Variants in MLYCD observed in about 807,000 individuals in gnomAD.
MLYCD encodes malonyl-CoA decarboxylase, mitochondrial.
In MLYCD, 27 loss-of-function variants were observed where a neutral mutation model predicts 35.8. The ratio of observed to expected loss-of-function variants is 0.75; its 90% CI spans 0.56 to 1.04. The LOEUF is 1.04. Ranked by LOEUF, MLYCD falls within the 50% of genes least tolerant of loss-of-function variation. The probability of loss-of-function intolerance (pLI) is 0.00; values close to 1 mark genes in which losing one functional copy is unlikely to be tolerated. For missense variants in MLYCD, 917 were observed against 665.1 expected, an observed-to-expected ratio of 1.38 and a Z score of -4.17; for synonymous variants, 403 against 302.4, an observed-to-expected ratio of 1.33 and a Z score of -3.45.
At chr16:83,913,615 C>G (rs888507866) in intron 4 of MLYCD, 2 of 152,080 alleles carry the variant, frequency 1.3e-5, no homozygotes, top group Non-Finnish European at 2.9e-5. Context: ...GTCAGGAGTT[C>G]GAGACTAGCC....
At chr16:83,914,851 C>T in intron 4 of MLYCD, 105 bp from the exon 5 acceptor site, 1 of 1,492,772 alleles carries the variant, frequency 6.7e-7, no homozygotes, top group South Asian at 1.1e-5. Context: ...GACCGCTACA[C>T]AGCAGCATGT....
In MLYCD at chr16:83,926,203, A is replaced by G. The variant is rs999581767; in HGVS notation, c.*10714A>G. On this transcript the variant is annotated 3_prime_UTR_variant, in exon 5 of 5. Transcript: ENST00000262430. ...GCCGCTGGGGGTGCTGTGTGGGAAC[A>G]GAGCACAGGCCCTCCCTCCCAGAGC... 1 of 152,370 alleles carries G rather than the reference A, an allele frequency of 6.6e-6. No individual in the cohort carries two copies. The highest frequency in any genetic ancestry group is 2.4e-5 in the African/African-American group (1 of 41,462). The allele number at this position is 152,370 out of a possible 1,614,324, so 9.4% of individuals were successfully genotyped here. A position where few individuals can be genotyped will look rare whatever the true frequency, so the allele number is the denominator to read the frequency against.
Position 83,899,534 on chromosome 16 carries a change from C to G in MLYCD, c.390C>G (p.Arg130=). Residue 130 remains arginine (R), a synonymous_variant, in exon 1 of 5, where the codon CGC becomes CGG. Coordinates refer to ENST00000262430, the MANE Select transcript of MLYCD (RefSeq NM_012213.3). ...TGCTGCAGGCCGAGGACCGGCTGCGCTACGCGCTGGTGCCGCGCTATCGCG... is the reference window on the plus strand; with the variant it reads ...TGCTGCAGGCCGAGGACCGGCTGCGGTACGCGCTGGTGCCGCGCTATCGCG... ...AVLLQAEDRL[R]YALVPRYRGL... is the part of the protein sequence containing the mutation. 1 of 1,591,120 alleles carries G rather than the reference C, an allele frequency of 6.3e-7. No individual in the cohort carries two copies. The highest frequency in any genetic ancestry group is 1.1e-5 in the South Asian group (1 of 90,450).
In MLYCD at chr16:83,915,205, A is replaced by T. The variant is rs1436078620; in HGVS notation, c.1198A>T (p.Arg400Trp). 3 of 1,614,068 alleles carry T rather than the reference A, an allele frequency of 1.9e-6. No individual in the cohort carries two copies. Among genetic ancestry groups the T allele is most frequent in the Non-Finnish European group, 2.5e-6 (3 of 1,179,904 alleles). ...LVRALQTPLM[R>W]LCAWYLYGEK... ...GCGGGCGCTGCAGACTCCGCTGATG[A>T]GGCTGTGCGCCTGGTACCTGTATGG... Residue 400 changes from arginine (R) to tryptophan (W), a missense_variant, in exon 5 of 5, where the codon AGG becomes TGG. Physicochemically the swap from Arg to Trp is moderately radical, Grantham distance 101 (BLOSUM62 -3). Coordinates refer to ENST00000262430, the MANE Select transcript of MLYCD (RefSeq NM_012213.3).
intron 1 of MLYCD, among the ~76,000 whole-genome samples, chr16:83,899,984 A>T (rs1457790109): frequency 1.3e-5 from 2 of 152,186 alleles, no homozygotes; most frequent in Non-Finnish European, 2.9e-5. Context: ...TGTGCTCTAC[A>T]GTCTTTTGAA....
intron 1 of MLYCD, among the ~76,000 whole-genome samples, chr16:83,902,506 TTTTTTTTTTTTTTTTTTGAGACAGAGTC>T (rs1906832349): frequency 1.1e-5 from 1 of 94,190 alleles, no homozygotes; most frequent in South Asian, 3.0e-4. Flanking sequence ...TTAATCTGAT[TTTTTTTTTTTTTTTTTTGAGACAGAGTC>T]TTGCTCTGTT....
In MLYCD at chr16:83,912,353, G is replaced by C. The variant is rs781754033; in HGVS notation, c.934G>C (p.Val312Leu). The C allele has an allele frequency of 5.0e-6, 8 of 1,614,030 alleles. No homozygotes were observed. The highest frequency in any genetic ancestry group is 5.9e-6 in the Non-Finnish European group (7 of 1,180,048). ...GGGAACATTCCTCATAAAGCGAGTC[G>C]TCAAGGAGTTGCAGGTAAGCGACAC... ...ELGTFLIKRV[V>L]KELQREFPHL... The change falls in exon 4 of 5, where the codon GTC becomes CTC. Residue 312 changes from valine to leucine, a missense_variant. Coordinates refer to ENST00000262430, the MANE Select transcript of MLYCD (RefSeq NM_012213.3).
intron 3 of MLYCD, among the ~76,000 whole-genome samples, chr16:83,909,930 C>T (rs972836185): frequency 4.6e-5 from 7 of 151,966 alleles, no homozygotes; most frequent in East Asian, 1.9e-4. Context: ...CCACCGTGCC[C>T]GGCTGATATA....
chr16:83,910,490 G>C (rs1390078422), intron 3 of MLYCD, among the ~76,000 whole-genome samples: 1 of 152,016 alleles, frequency 6.6e-6, no homozygotes, highest in Non-Finnish European at 1.5e-5. Flanking sequence ...AGGAGTTCCA[G>C]ACCAGCCTGG....
At chr16:83,911,224 C>T (rs1968267) in intron 3 of MLYCD, among the ~76,000 whole-genome samples, 10,156 of 152,064 alleles carry the variant, frequency 0.067, 792 homozygotes, top group African/African-American at 0.19. Context: ...GTGATCTGCC[C>T]GCCTCGGCCT....
In MLYCD at chr16:83,899,543, G is replaced by C. The variant is rs764427979; in HGVS notation, c.399G>C (p.Leu133=). 2.1e-5 allele frequency: 34 copies of C among 1,591,996 alleles called. No individual in the cohort carries two copies. The South Asian group carries it at 3.8e-4, about 18-fold the overall frequency. ...LQAEDRLRYA[L]VPRYRGLFHH... is the part of the protein sequence containing the mutation. ...CCGAGGACCGGCTGCGCTACGCGCT[G>C]GTGCCGCGCTATCGCGGCCTCTTCC... Residue 133 remains leucine, a synonymous_variant, in exon 1 of 5, where the codon CTG becomes CTC. Coordinates refer to ENST00000262430, the MANE Select transcript of MLYCD (RefSeq NM_012213.3).
intron 2 of MLYCD, 91 bp from the exon 3 acceptor site, chr16:83,908,035 G>A: frequency 1.3e-6 from 2 of 1,524,640 alleles, no homozygotes; most frequent in Non-Finnish European, 9.0e-7. Context: ...TAAAGAACTT[G>A]TTTGACTTAG....
chr16:83,899,231 C>A lies in MLYCD; in HGVS notation c.87C>A (p.Ser29Arg). ...GGCCGCCCGGGCCCCGGCTGGCGAGCGGGCAGGCGGCCGGCGCCCTGGAGC... is the reference window on the plus strand; with the variant it reads ...GGCCGCCCGGGCCCCGGCTGGCGAGAGGGCAGGCGGCCGGCGCCCTGGAGC... The part of the protein sequence containing the change: ...PPRPPGPRLA[S>R]GQAAGALERA... The change falls in exon 1 of 5, where the codon AGC becomes AGA. Residue 29 changes from serine to arginine, a missense_variant. By Grantham distance (110) the Ser-to-Arg change is moderately radical (BLOSUM62 -1). Coordinates refer to ENST00000262430, the MANE Select transcript of MLYCD (RefSeq NM_012213.3). The A allele has an allele frequency of 8.1e-7, 1 of 1,241,866 alleles. No homozygotes were observed. Among genetic ancestry groups the A allele is most frequent in the South Asian group, 3.2e-5 (1 of 31,594 alleles). 76.9% of individuals were successfully genotyped at this position (1,241,866 alleles called of 1,614,324 possible). A position where few individuals can be genotyped will look rare whatever the true frequency, so the allele number is the denominator to read the frequency against.
At chr16:83,913,843 A>T (rs1315195745) in intron 4 of MLYCD, 5 of 151,630 alleles carry the variant, frequency 3.3e-5, no homozygotes, top group Non-Finnish European at 7.4e-5. Flanking sequence ...GGGTGGGGGA[A>T]AAACCCCGGG....
At position 83,908,235 on chromosome 16, in the gene MLYCD, G is replaced by T; in HGVS notation, c.751G>T (p.Val251Phe). ...CTGTTCGACCCCTGGGGAGCCCCTG[G>T]TCGTTTTGCACGTGGCACTGACTGG... Reference protein sequence around the residue: ...SHCSTPGEPLVVLHVALTGDI... With the variant: ...SHCSTPGEPLFVLHVALTGDI... Residue 251 changes from valine (V) to phenylalanine (F), a missense_variant, in exon 3 of 5, where the codon GTC becomes TTC. By Grantham distance (50) the Val-to-Phe change is conservative. Transcript: ENST00000262430. 6.2e-7 allele frequency: 1 copy of T among 1,614,200 alleles called. No individual in the cohort carries two copies. Among genetic ancestry groups the T allele is most frequent in the Non-Finnish European group, 8.5e-7 (1 of 1,180,048 alleles).
Position 83,916,169 on chromosome 16 carries a change from T to C in MLYCD, c.*680T>C. ...TTCACAGTAAAGAACACGTTTGTTCTGTAAAGCATTGAACATCTGATTGTG... is the reference window on the plus strand; with the variant it reads ...TTCACAGTAAAGAACACGTTTGTTCCGTAAAGCATTGAACATCTGATTGTG... On this transcript the variant is annotated 3_prime_UTR_variant, in exon 5 of 5. Transcript: ENST00000262430. 1 of 990,622 alleles carries C rather than the reference T, an allele frequency of 1.0e-6. No homozygotes were observed. Among genetic ancestry groups the C allele is most frequent in the South Asian group, 4.6e-5 (1 of 21,598 alleles). 61.4% of individuals were successfully genotyped at this position (990,622 alleles called of 1,614,324 possible). A position where few individuals can be genotyped will look rare whatever the true frequency, so the allele number is the denominator to read the frequency against.
chr16:83,915,682 A>T lies in MLYCD; in HGVS notation c.*193A>T. ...CTGGGCGTGACATGCACCCAGTGCA[A>T]GACGGTTGTGGGTGCGGGTGCACAC... is the stretch of plus-strand genomic sequence containing the variant. On this transcript the variant is annotated 3_prime_UTR_variant, in exon 5 of 5. Transcript: ENST00000262430. 3 of 1,474,304 alleles carry T rather than the reference A, an allele frequency of 2.0e-6. No homozygotes were observed. In the South Asian group the frequency reaches 4.0e-5, roughly 20 times the overall value. The allele number at this position is 1,474,304 out of a possible 1,614,324, so 91.3% of individuals were successfully genotyped here. A position where few individuals can be genotyped will look rare whatever the true frequency, so the allele number is the denominator to read the frequency against.
Position 83,915,480 on chromosome 16 carries a change from C to G in MLYCD, c.1473C>G (p.Ser491Arg). 1.2e-6 allele frequency: 2 copies of G among 1,611,458 alleles called. No individual in the cohort carries two copies. The highest frequency in any genetic ancestry group is 1.7e-6 in the Non-Finnish European group (2 of 1,179,996). Reference protein sequence around the residue: ...LSLVAQFQKNSKL With the variant: ...LSLVAQFQKNRKL ...TAGTGGCCCAGTTTCAAAAGAACAG[C>G]AAGCTCTGACAGTAAACCTCTCCTA... The change falls in exon 5 of 5, where the codon AGC becomes AGG. Residue 491 changes from serine (S) to arginine (R), a missense_variant. Ser to Arg is a moderately radical substitution (Grantham distance 110). Transcript: ENST00000262430.
At position 83,925,472 on chromosome 16, in the gene MLYCD, T is replaced by C; in HGVS notation, c.*9983T>C. On this transcript the variant is annotated 3_prime_UTR_variant, in exon 5 of 5. Coordinates refer to ENST00000262430, the MANE Select transcript of MLYCD (RefSeq NM_012213.3). ...GCATTAACTAACCTCGCAGGTGCTC[T>C]GCCCACCTGCCTACGCCAGACTCTT... The C allele has an allele frequency of 6.6e-6, 1 of 152,528 alleles. No individual in the cohort carries two copies. The highest frequency in any genetic ancestry group is 1.5e-5 in the Non-Finnish European group (1 of 68,192). The allele number at this position is 152,528 out of a possible 1,614,324, so 9.4% of individuals were successfully genotyped here.
Sources: gnomAD v4.1 joint callset for allele counts (sites outside exome capture counted in the v4.1 genomes callset) on GRCh38, gnomAD v4.1.1 for gene constraint, MANE v1.5 for transcripts, NCBI Gene and HGNC (gene_info 2026-07-23, HGNC 2026-07-21) for gene names.